Variants in RAD51B observed in about 807,000 individuals in gnomAD.
The protein encoded by RAD51B is RAD51 paralog B.
RAD51B carries 38 observed loss-of-function variants against 42.2 expected under a neutral mutation model. The ratio of observed to expected loss-of-function variants is 0.90; its 90% CI spans 0.70 to 1.18. The LOEUF (loss-of-function observed/expected upper bound fraction) is 1.18. RAD51B is among the 50% of genes most tolerant of loss of function. The pLI, the probability that RAD51B is intolerant of heterozygous loss-of-function variation, is 0.00. For missense variants in RAD51B, 373 were observed against 400.7 expected (o/e 0.93, Z 0.59); for synonymous variants, 154 against 145.2 (o/e 1.06, Z -0.43).
At chr14:68,562,118 T>G in intron 10 of RAD51B, 1 of 985,398 alleles carries the variant, frequency 1.0e-6, no homozygotes, top group Non-Finnish European at 1.2e-6. Context: ...TTTTTCTCCC[T>G]GTGAAAGCCC....
chr14:68,105,119 T>C (rs979433115), intron 7 of RAD51B, among the ~76,000 whole-genome samples: 9 of 152,036 alleles, frequency 5.9e-5, no homozygotes, highest in Non-Finnish European at 1.0e-4. Context: ...GAATCTTTTT[T>C]TTTTTTTTCC....
intron 8 of RAD51B, among the ~76,000 whole-genome samples, chr14:68,303,906 A>T (rs2081801897): frequency 6.6e-6 from 1 of 152,266 alleles, no homozygotes; most frequent in African/African-American, 2.4e-5. Context: ...GTGGTGGCTC[A>T]TACCTATAAT....
chr14:68,257,471 G>A (rs181563011), intron 7 of RAD51B, among the ~76,000 whole-genome samples: 1 of 152,130 alleles, frequency 6.6e-6, no homozygotes, highest in East Asian at 1.9e-4. Flanking sequence ...AAAAATGGAA[G>A]AATTAAACTG....
At chr14:68,069,170 G>A (rs1010308441) in intron 7 of RAD51B, among the ~76,000 whole-genome samples, 1 of 152,132 alleles carries the variant, frequency 6.6e-6, no homozygotes, top group African/African-American at 2.4e-5. Context: ...CTGAGCAGGG[G>A]TATGACCTGC....
At chr14:68,679,342 A>G (rs1477325885) in intron 11 of RAD51B, among the ~76,000 whole-genome samples, 2 of 152,234 alleles carry the variant, frequency 1.3e-5, no homozygotes, top group Non-Finnish European at 2.9e-5. Flanking sequence ...CATAAATGTC[A>G]AGGTTGAGTT....
At chr14:68,058,981 G>A (rs1165159398) in intron 7 of RAD51B, among the ~76,000 whole-genome samples, 1 of 152,062 alleles carries the variant, frequency 6.6e-6, no homozygotes, top group Non-Finnish European at 1.5e-5. Flanking sequence ...AAAATACTTT[G>A]TTCTATCCCA....
At chr14:68,013,635 G>A (rs1315301152) in intron 7 of RAD51B, among the ~76,000 whole-genome samples, 2 of 152,086 alleles carry the variant, frequency 1.3e-5, no homozygotes, top group African/African-American at 2.4e-5. Flanking sequence ...TCAGAATATT[G>A]TATTACGTAG....
At chr14:68,292,011 T>C (rs753824911) in intron 8 of RAD51B, 31 bp downstream of exon 8, 4 of 1,558,898 alleles carry the variant, frequency 2.6e-6, no homozygotes, top group Non-Finnish European at 3.5e-6. Context: ...AGGCTGAAAC[T>C]TGACACTGAC....
intron 7 of RAD51B, among the ~76,000 whole-genome samples, chr14:68,035,090 G>T (rs112806105): frequency 6.6e-6 from 1 of 152,098 alleles, no homozygotes; most frequent in Admixed American, 6.5e-5. Flanking sequence ...TTCTTTTCCC[G>T]TATAGAAATT....
chr14:67,838,808 A>AG (rs1253222705), intron 4 of RAD51B, among the ~76,000 whole-genome samples: 2 of 151,896 alleles, frequency 1.3e-5, no homozygotes, highest in Non-Finnish European at 2.9e-5. Context: ...AAAAAGTAAA[A>AG]AAAAAAAAAC....
At position 68,294,682 on chromosome 14, in the gene RAD51B, G is replaced by A. The variant is rs1389653516; in HGVS notation, c.853+2702G>A. On this transcript the variant is annotated intron_variant, in intron 8 of 10. Coordinates refer to ENST00000471583, the MANE Select transcript of RAD51B (RefSeq NM_133510.4). The stretch of plus-strand genomic sequence containing the variant: ...CATGAGGTAGGTCTGAAGGTCAGGA[G>A]CATTCACCCACTGATGGGGTTTTAA... Among the ~76,000 whole-genome samples, 5 of 152,208 alleles carry A rather than the reference G, an allele frequency of 3.3e-5. No homozygotes were observed. In the East Asian group the frequency reaches 9.6e-4, roughly 29 times the overall value.
chr14:68,437,643 G>A (rs2085178569), intron 9 of RAD51B, among the ~76,000 whole-genome samples: 1 of 152,094 alleles, frequency 6.6e-6, no homozygotes, highest in African/African-American at 2.4e-5. Context: ...ACATATGTGT[G>A]CCAAATGCTG....
intron 1 of RAD51B, among the ~76,000 whole-genome samples, chr14:67,822,507 T>C (rs964238918): frequency 1.3e-5 from 2 of 151,714 alleles, no homozygotes; most frequent in South Asian, 4.2e-4. Context: ...CAAAACCCTG[T>C]CTCTACAAAA....
At chr14:67,926,937 C>T (rs2140147012) in intron 7 of RAD51B, among the ~76,000 whole-genome samples, 1 of 152,290 alleles carries the variant, frequency 6.6e-6, no homozygotes, top group African/African-American at 2.4e-5. Flanking sequence ...ATCCTGAGGT[C>T]AGGGATAATA....
intron 10 of RAD51B, among the ~76,000 whole-genome samples, chr14:68,546,942 G>C (rs761526355): frequency 1.3e-5 from 2 of 152,220 alleles, no homozygotes; most frequent in Non-Finnish European, 2.9e-5. Context: ...AGTTTATCAG[G>C]ACTTTCTCCT....
intron 10 of RAD51B, among the ~76,000 whole-genome samples, chr14:68,587,780 G>T (rs563543629): frequency 5.9e-5 from 9 of 152,234 alleles, no homozygotes; most frequent in Non-Finnish European, 1.3e-4. Flanking sequence ...GGAAGAGTAA[G>T]ATTTACAATA....
chr14:67,893,534 G>T (rs2043304829), intron 7 of RAD51B, among the ~76,000 whole-genome samples: 1 of 148,282 alleles, frequency 6.7e-6, no homozygotes, highest in Non-Finnish European at 1.5e-5. Context: ...AGCTGGGTGT[G>T]GTGCTACACA....
intron 7 of RAD51B, among the ~76,000 whole-genome samples, chr14:68,147,927 T>A (rs930073795): frequency 1.3e-5 from 2 of 152,190 alleles, no homozygotes; most frequent in Non-Finnish European, 2.9e-5. Context: ...TCAAGATAAT[T>A]AACATGTCTT....
chr14:67,943,328 T>C (rs2045272213), intron 7 of RAD51B, among the ~76,000 whole-genome samples: 1 of 152,182 alleles, frequency 6.6e-6, no homozygotes, highest in African/African-American at 2.4e-5. Flanking sequence ...CTTTTTAAAA[T>C]GTTTTCTTTA....
Sources: allele counts gnomAD v4.1 joint callset (sites outside exome capture counted in the v4.1 genomes callset), GRCh38; gene constraint gnomAD v4.1.1; transcripts MANE v1.5; gene names NCBI Gene and HGNC (gene_info 2026-07-23, HGNC 2026-07-21).